The following CUBN variants were observed in gnomAD, a reference collection of about 807,000 sequenced individuals.
CUBN encodes 460 kDa receptor.
CUBN carries 282 observed loss-of-function variants against 405.3 expected under a neutral mutation model. That is an observed-to-expected ratio of 0.70 (90% CI 0.63 to 0.77). CUBN has a LOEUF of 0.77. CUBN is among the 30% of genes least tolerant of loss of function. The pLI, the probability that CUBN is intolerant of heterozygous loss-of-function variation, is 0.00. For missense variants in CUBN, 4,514 were observed against 4,475.2 expected (o/e 1.01, Z -0.25); for synonymous variants, 1,684 against 1,617.0 (o/e 1.04, Z -0.99).
At chr10:16,981,005 G>A (rs1026304976) in intron 31 of CUBN, among the ~76,000 whole-genome samples, 3 of 152,006 alleles carry the variant, frequency 2.0e-5, no homozygotes, top group Admixed American at 2.0e-4. Flanking sequence ...TGGGCCAGAA[G>A]GCAGGAAAAT....
chr10:17,072,790 A>G (rs1442407220), intron 17 of CUBN, among the ~76,000 whole-genome samples: 2 of 152,204 alleles, frequency 1.3e-5, no homozygotes. Context: ...AGACACAGAT[A>G]CTAAGATTTT....
At chr10:17,005,171 C>A (rs920670973) in intron 28 of CUBN, among the ~76,000 whole-genome samples, 8 of 152,144 alleles carry the variant, frequency 5.3e-5, no homozygotes, top group Admixed American at 4.6e-4. Context: ...AATCCAAATT[C>A]TTGTGATGTT....
At chr10:16,988,326 G>T (rs756933227) in intron 29 of CUBN, among the ~76,000 whole-genome samples, 3 of 152,168 alleles carry the variant, frequency 2.0e-5, no homozygotes, top group Admixed American at 6.5e-5. Context: ...GAGGCCATCT[G>T]AACATTCTGC....
chr10:17,023,552 G>A (rs1178302582), intron 27 of CUBN: 2 of 455,016 alleles, frequency 4.4e-6, no homozygotes, highest in Non-Finnish European at 8.8e-6. Context: ...TACAAATACA[G>A]GTTACCATGG....
chr10:16,996,610 C>G (rs190345262), intron 28 of CUBN, among the ~76,000 whole-genome samples: 2 of 120,644 alleles, frequency 1.7e-5, no homozygotes, highest in African/African-American at 5.1e-5. Flanking sequence ...TCTTTAAGTT[C>G]GTATCTGTGT....
chr10:16,861,435 T>C (rs1179920966), intron 59 of CUBN, among the ~76,000 whole-genome samples: 5 of 152,022 alleles, frequency 3.3e-5, no homozygotes, highest in South Asian at 2.1e-4. Flanking sequence ...GCGCTGGGAT[T>C]ACAGGCGTGA....
intron 15 of CUBN, among the ~76,000 whole-genome samples, chr10:17,087,472 C>CTTTTTCTTTTT (rs1554818134): frequency 9.8e-5 from 7 of 71,734 alleles, no homozygotes; most frequent in African/African-American, 2.8e-4. Flanking sequence ...TTTTCTTTTT[C>CTTTTTCTTTTT]TTTTTTTTTT....
At chr10:17,017,229 C>T (rs1233575445) in intron 28 of CUBN, among the ~76,000 whole-genome samples, 1 of 152,170 alleles carries the variant, frequency 6.6e-6, no homozygotes, top group African/African-American at 2.4e-5. Flanking sequence ...TAGTTGCACT[C>T]ACCAACGCAG....
chr10:17,068,234 A>G lies in CUBN; in HGVS notation c.2838T>C (p.Pro946=), dbSNP rs752969090. ...LTESTGTIQS[P]GHPNVYPHGI... ...CGTGGGGGTAGACATTTGGATGGCC[A>G]GGACTTTGAATGGTCCCTGTTGATT... The change falls in exon 21 of 67, where the codon CCT becomes CCC. Residue 946 remains proline (P), a synonymous_variant. Transcript: ENST00000377833. The G allele has an allele frequency of 1.9e-6, 3 of 1,613,768 alleles. No homozygotes were observed. The highest frequency in any genetic ancestry group is 2.5e-6 in the Non-Finnish European group (3 of 1,179,694).
At chr10:17,016,683 A>G (rs886253573) in intron 28 of CUBN, among the ~76,000 whole-genome samples, 1 of 151,954 alleles carries the variant, frequency 6.6e-6, no homozygotes, top group Non-Finnish European at 1.5e-5. Flanking sequence ...CATAACCAAT[A>G]TCCCGGGGGT....
chr10:17,050,113 T>C (rs1241648617), intron 22 of CUBN, among the ~76,000 whole-genome samples: 1 of 152,132 alleles, frequency 6.6e-6, no homozygotes, highest in Non-Finnish European at 1.5e-5. Context: ...TAAACTCCAA[T>C]CCTACGACTT....
chr10:17,085,461 G>T, intron 16 of CUBN, 136 bp downstream of exon 16: 1 of 914,116 alleles, frequency 1.1e-6, no homozygotes, highest in Non-Finnish European at 1.8e-6. Flanking sequence ...GAAGCTATGA[G>T]AGAAATATTT....
At position 17,129,657 on chromosome 10, in the gene CUBN, T is replaced by G. The variant is rs76788243; in HGVS notation, c.109A>C (p.Ile37Leu). 10,322 of 1,614,138 alleles carry G rather than the reference T, an allele frequency of 6.4e-3. 559 individuals are homozygous for G. The African/African-American group carries it at 0.12, about 19-fold the overall frequency. The change falls in exon 1 of 67, where the codon ATC (isoleucine) becomes CTC (leucine). Residue 37 changes from isoleucine (I) to leucine (L), a missense_variant. Physicochemically the swap from Ile to Leu is conservative, Grantham distance 5. This residue lies in a region of CUBN where 1,448 missense variants were observed against 1,388.0 expected (regional missense o/e 1.04). Coordinates refer to ENST00000377833, the MANE Select transcript of CUBN (RefSeq NM_001081.4). ...GTGTTTACTTACTGTTGGAGATTGA[T>G]GCTTCTTTTTTGTCTCTGCAGCTCA... Reference protein sequence around the residue: ...ELELQRQKRSINLQQPRMATE... With the variant: ...ELELQRQKRSLNLQQPRMATE...
intron 28 of CUBN, among the ~76,000 whole-genome samples, chr10:17,018,457 G>C (rs541668774): frequency 6.6e-6 from 1 of 151,926 alleles, no homozygotes; most frequent in Non-Finnish European, 1.5e-5. Context: ...TTTTCCTTCC[G>C]GTGGGTTCAT....
intron 54 of CUBN, among the ~76,000 whole-genome samples, chr10:16,892,665 G>GT (rs1478554848): frequency 6.6e-6 from 1 of 151,758 alleles, no homozygotes; most frequent in Non-Finnish European, 1.5e-5. Context: ...CTAGTTTTTT[G>GT]TATTTTTTTG....
intron 22 of CUBN, among the ~76,000 whole-genome samples, chr10:17,051,981 A>G (rs1034660273): frequency 6.6e-6 from 1 of 152,050 alleles, no homozygotes; most frequent in African/African-American, 2.4e-5. Context: ...AAAGAAAACT[A>G]CACTTGGACA....
At chr10:16,928,057 T>C in intron 41 of CUBN, 100 bp downstream of exon 41, 1 of 1,360,750 alleles carries the variant, frequency 7.3e-7, no homozygotes, top group Non-Finnish European at 1.0e-6. Context: ...ACTTGTCTTG[T>C]GTCCTGGTGC....
rs551298161 is a variant in CUBN, at chr10:16,988,043, G to A, written c.4350+2291C>T. On this transcript the variant is annotated intron_variant, in intron 29 of 66. Transcript: ENST00000377833. ...AGGCATAGGGCTCTCCTTGAAAGCC[G>A]CTTCTGCCTGGAGTCCCTGATTTCG... Among the ~76,000 whole-genome samples the A allele has an allele frequency of 4.0e-4, 61 of 152,210 alleles. No individual in the cohort carries two copies. The South Asian group carries it at 8.7e-3, about 22-fold the overall frequency.
intron 13 of CUBN, among the ~76,000 whole-genome samples, chr10:17,101,654 C>T (rs76716372): frequency 0.024 from 3,719 of 152,134 alleles, 152 homozygotes; most frequent in African/African-American, 0.082. Context: ...TTTAGAAATG[C>T]CTGGGTAATT....
Sources: gnomAD v4.1 joint callset for allele counts (sites outside exome capture counted in the v4.1 genomes callset) on GRCh38, gnomAD v4.1.1 for gene constraint, gnomAD v4.1.1 regional missense constraint, MANE v1.5 for transcripts, NCBI Gene and HGNC (gene_info 2026-07-23, HGNC 2026-07-21) for gene names.